TLN2: variants seen among roughly 807,000 people sequenced by gnomAD.
The protein encoded by TLN2 is talin-2.
Under a neutral mutation model 294.7 loss-of-function variants are expected in TLN2, and 118 were observed. The observed-to-expected ratio is 0.40, with a 90% CI of 0.34 to 0.47. TLN2 has a LOEUF of 0.47. TLN2 is among the 20% of genes least tolerant of loss of function. The pLI, the probability that TLN2 is intolerant of heterozygous loss-of-function variation, is 0.84. For synonymous variants in TLN2, 1,431 were observed against 1,304.5 expected (o/e 1.10, Z -2.09); for missense variants, 3,083 against 3,282.2 (o/e 0.94, Z 1.48).
chr15:62,682,593 G>T (rs1321467738), intron 11 of TLN2, among the ~76,000 whole-genome samples: 1 of 152,114 alleles, frequency 6.6e-6, no homozygotes, highest in Non-Finnish European at 1.5e-5. Flanking sequence ...CTATAAAATT[G>T]TGACTTTTTA....
intron 50 of TLN2, among the ~76,000 whole-genome samples, chr15:62,804,323 C>G (rs2066129649): frequency 6.6e-6 from 1 of 152,206 alleles, no homozygotes; most frequent in African/African-American, 2.4e-5. Flanking sequence ...AGAGGCCAGG[C>G]ATGGCAGCGC....
intron 50 of TLN2, among the ~76,000 whole-genome samples, chr15:62,803,543 C>T (rs2066074449): frequency 6.6e-6 from 1 of 152,188 alleles, no homozygotes; most frequent in Admixed American, 6.5e-5. Context: ...AGCCTGTCTT[C>T]AAGCTTACTA....
intron 3 of TLN2, chr15:62,644,791 G>T: frequency 2.9e-6 from 1 of 344,670 alleles, no homozygotes. Context: ...TTGGCTCTCG[G>T]GTCCATGTCA....
At chr15:62,677,770 A>G (rs2056386381) in intron 11 of TLN2, among the ~76,000 whole-genome samples, 1 of 146,122 alleles carries the variant, frequency 6.8e-6, no homozygotes, top group Non-Finnish European at 1.5e-5. Flanking sequence ...CTCTTTGAAG[A>G]GAAGAAAGGA....
At chr15:62,574,438 A>G (rs1390467746) in intron 1 of TLN2, among the ~76,000 whole-genome samples, 1 of 151,738 alleles carries the variant, frequency 6.6e-6, no homozygotes, top group African/African-American at 2.4e-5. Context: ...AAATTTAGCC[A>G]GGCATGGTGG....
intron 1 of TLN2, among the ~76,000 whole-genome samples, chr15:62,436,445 C>T (rs933212135): frequency 4.6e-5 from 7 of 152,184 alleles, no homozygotes; most frequent in Admixed American, 2.0e-4. Flanking sequence ...ATGTGTCCAA[C>T]CCTATAACCT....
intron 58 of TLN2, 108 bp from the exon 59 acceptor site, chr15:62,840,374 G>A: frequency 6.8e-7 from 1 of 1,476,292 alleles, no homozygotes. Flanking sequence ...CGGATGTGCT[G>A]CAGTGTCCCA....
At chr15:62,756,637 G>T (rs933201887) in intron 37 of TLN2, among the ~76,000 whole-genome samples, 2 of 152,290 alleles carry the variant, frequency 1.3e-5, no homozygotes, top group African/African-American at 4.8e-5. Flanking sequence ...CATTCAGATA[G>T]GAGGTTTGGC....
rs1213521661 is a variant in TLN2 at position 62,755,603 on chromosome 15, C to G, written c.4548C>G (p.Ser1516=). 1.2e-6 allele frequency: 2 copies of G among 1,614,238 alleles called. No individual in the cohort carries two copies. Among genetic ancestry groups the G allele is most frequent in the South Asian group, 2.2e-5 (2 of 91,084 alleles). The change falls in exon 37 of 59, where the codon TCC becomes TCG. Residue 1516 remains serine, a synonymous_variant. Transcript: ENST00000636159. ...GCAATGCCTGCCGCATCGCCTCATC[C>G]AAGACGGCCAACCCAGTAGCCAAGA... ...ALCNACRIAS[S]KTANPVAKRH... is the part of the protein sequence containing the mutation.
chr15:62,726,994 A>T, intron 27 of TLN2, 93 bp from the exon 28 acceptor site: 1 of 1,308,430 alleles, frequency 7.6e-7, no homozygotes, highest in Non-Finnish European at 1.1e-6. Context: ...TAGGGCTCAA[A>T]GTTTGATCTG....
At chr15:62,655,473 A>G (rs900005828) in intron 7 of TLN2, among the ~76,000 whole-genome samples, 3 of 152,100 alleles carry the variant, frequency 2.0e-5, no homozygotes, top group Non-Finnish European at 4.4e-5. Flanking sequence ...TCTACTTGAG[A>G]TCAGAGGTAA....
intron 1 of TLN2, among the ~76,000 whole-genome samples, chr15:62,564,412 T>C (rs975143049): frequency 4.6e-5 from 7 of 152,200 alleles, no homozygotes; most frequent in African/African-American, 1.7e-4. Context: ...TTTTCACACA[T>C]TGGTGGCAAG....
rs113411107 is a variant in TLN2, at chr15:62,719,720, G to A, written c.2878-47G>A. 2,386 of 1,462,178 alleles carry A rather than the reference G, an allele frequency of 1.6e-3. 39 individuals are homozygous for A. In the African/African-American group the frequency reaches 0.029, roughly 18 times the overall value. The allele number at this position is 1,462,178 out of a possible 1,614,324, so 90.6% of individuals were successfully genotyped here. Reference sequence around the variant, plus strand: ...GGTCATGGTCTAGCTTCTTTGGATGGTCCCACCATTCTAGCCATGCTGTTT... The same window carrying A: ...GGTCATGGTCTAGCTTCTTTGGATGATCCCACCATTCTAGCCATGCTGTTT... On this transcript the variant is annotated intron_variant, in intron 24 of 58. Coordinates refer to ENST00000636159, the MANE Select transcript of TLN2 (RefSeq NM_015059.3).
chr15:62,571,936 G>A (rs764079497), intron 1 of TLN2, among the ~76,000 whole-genome samples: 2 of 152,126 alleles, frequency 1.3e-5, no homozygotes, highest in Admixed American at 1.3e-4. Context: ...ATCCTGTAAG[G>A]CCTCTTCATG....
At chr15:62,560,348 C>G (rs556661097) in intron 1 of TLN2, among the ~76,000 whole-genome samples, 15 of 152,260 alleles carry the variant, frequency 9.9e-5, no homozygotes, top group Non-Finnish European at 2.2e-4. Context: ...TCAAGTGATT[C>G]TGCTGCCTCA....
In TLN2 at chr15:62,842,181, T is replaced by TATAA. The variant is rs2070775387; in HGVS notation, c.*1572_*1575dup. The TATAA allele has an allele frequency of 6.6e-6, 1 of 151,078 alleles. No individual in the cohort carries two copies. The highest frequency in any genetic ancestry group is 1.5e-5 in the Non-Finnish European group (1 of 68,032). 9.4% of individuals were successfully genotyped at this position (151,078 alleles called of 1,614,324 possible). ...CAGCTTCCCATATTTATAAGTTACT[T>TATAA]ATAAGTGCTGCACGTATTAGAATTT... On this transcript the variant is annotated 3_prime_UTR_variant, in exon 59 of 59. Transcript: ENST00000636159.
intron 28 of TLN2, among the ~76,000 whole-genome samples, chr15:62,736,078 C>T (rs545203961): frequency 3.9e-5 from 6 of 151,996 alleles, no homozygotes; most frequent in African/African-American, 1.2e-4. Context: ...TTTGGGAGGC[C>T]GAGGTGGGCA....
At chr15:62,453,385 A>G (rs1173308747) in intron 1 of TLN2, among the ~76,000 whole-genome samples, 1 of 151,932 alleles carries the variant, frequency 6.6e-6, no homozygotes, top group African/African-American at 2.4e-5. Context: ...TGAGAATATG[A>G]TCTGCACATG....
At chr15:62,578,131 G>C (rs928509467) in intron 1 of TLN2, among the ~76,000 whole-genome samples, 18 of 152,096 alleles carry the variant, frequency 1.2e-4, no homozygotes, top group African/African-American at 4.3e-4. Flanking sequence ...CTTTGCTATT[G>C]TGAATAGTGC....
Sources: allele counts gnomAD v4.1 joint callset (sites outside exome capture counted in the v4.1 genomes callset), GRCh38; gene constraint gnomAD v4.1.1; transcripts MANE v1.5; gene names NCBI Gene and HGNC (gene_info 2026-07-23, HGNC 2026-07-21).